ZEB1: variants seen among roughly 807,000 people sequenced by gnomAD.
ZEB1 encodes the protein zinc finger E-box-binding homeobox 1.
Under a neutral mutation model 84.9 loss-of-function variants are expected in ZEB1, and 21 were observed. The ratio of observed to expected loss-of-function variants is 0.25; its 90% CI spans 0.18 to 0.36. The LOEUF (loss-of-function observed/expected upper bound fraction) is 0.36. Among genes scored for constraint, ZEB1 ranks in the 10% least tolerant of loss-of-function variants. The pLI is 1.00. For synonymous variants in ZEB1, 420 were observed against 471.1 expected (o/e 0.89, Z 1.41); for missense variants, 1,104 against 1,330.2 (o/e 0.83, Z 2.65).
intron 2 of ZEB1, among the ~76,000 whole-genome samples, chr10:31,487,957 G>GA (rs2065955950): frequency 6.6e-6 from 1 of 151,166 alleles, no homozygotes. Context: ...TTTATTCTCT[G>GA]AAAAGCCTCA....
At chr10:31,489,316 C>T (rs1334294949) in intron 2 of ZEB1, among the ~76,000 whole-genome samples, 1 of 151,218 alleles carries the variant, frequency 6.6e-6, no homozygotes, top group Non-Finnish European at 1.5e-5. Flanking sequence ...TATAATTTTT[C>T]ATGATAGAAT....
intron 1 of ZEB1, among the ~76,000 whole-genome samples, chr10:31,357,541 A>T (rs1273470385): frequency 1.3e-5 from 2 of 152,200 alleles, no homozygotes; most frequent in African/African-American, 4.8e-5. Flanking sequence ...GTACACTAAG[A>T]TTGAATAACT....
chr10:31,441,473 A>T (rs999528374), intron 1 of ZEB1, among the ~76,000 whole-genome samples: 1 of 152,184 alleles, frequency 6.6e-6, no homozygotes, highest in South Asian at 2.1e-4. Flanking sequence ...AACCTAGGCA[A>T]TACCATTCAG....
chr10:31,377,884 T>C (rs931031731), intron 1 of ZEB1, among the ~76,000 whole-genome samples: 1 of 151,754 alleles, frequency 6.6e-6, no homozygotes, highest in African/African-American at 2.4e-5. Context: ...CAAACTCTGC[T>C]GTTGGCAACA....
intron 2 of ZEB1, among the ~76,000 whole-genome samples, chr10:31,466,065 AT>A (rs1564979276): frequency 6.6e-6 from 1 of 152,218 alleles, no homozygotes; most frequent in African/African-American, 2.4e-5. Context: ...AAAGAGGTCA[AT>A]TTATCAAGAT....
At chr10:31,319,838 G>C (rs1439827936) in intron 1 of ZEB1, 1 of 148,326 alleles carries the variant, frequency 6.7e-6, no homozygotes, top group Non-Finnish European at 1.5e-5. Flanking sequence ...GGCCGGCGCC[G>C]TCGCTGTCGC....
intron 1 of ZEB1, chr10:31,319,553 C>T: frequency 1.9e-6 from 1 of 515,526 alleles, no homozygotes; most frequent in South Asian, 2.4e-5. Flanking sequence ...CCGCCCCTGC[C>T]GCCTCCCTGG....
chr10:31,423,114 A>C (rs2056438388), intron 1 of ZEB1, among the ~76,000 whole-genome samples: 1 of 152,022 alleles, frequency 6.6e-6, no homozygotes, highest in South Asian at 2.1e-4. Context: ...TCTTCCAATA[A>C]AATATTGATG....
At chr10:31,374,988 G>A (rs1482274245) in intron 1 of ZEB1, 4 of 146,530 alleles carry the variant, frequency 2.7e-5, no homozygotes, top group African/African-American at 7.4e-5. Flanking sequence ...CCTTAATCAA[G>A]TCAACTTTAT....
At chr10:31,438,878 ATACATACG>A (rs2058575601) in intron 1 of ZEB1, among the ~76,000 whole-genome samples, 1 of 152,178 alleles carries the variant, frequency 6.6e-6, no homozygotes, top group Non-Finnish European at 1.5e-5. Flanking sequence ...ATATACACAT[ATACATACG>A]TACATACATG....
At position 31,524,129 on chromosome 10, in the gene ZEB1, CAAACAT is replaced by C. The variant is rs1299334288; in HGVS notation, c.2785+20_2785+25del. The C allele has an allele frequency of 1.9e-6, 3 of 1,609,516 alleles. No homozygotes were observed. Among genetic ancestry groups the C allele is most frequent in the Non-Finnish European group, 2.5e-6 (3 of 1,177,484 alleles). ...GAACACACAGGTATGTCAGTGAACA[CAAACAT>C]AAAGTGTCCATGATATGATATACTG... On this transcript the variant is annotated intron_variant, in intron 8 of 8. Coordinates refer to ENST00000424869, the MANE Select transcript of ZEB1 (RefSeq NM_001174096.2).
At chr10:31,347,405 C>T (rs2040497879) in intron 1 of ZEB1, among the ~76,000 whole-genome samples, 1 of 152,124 alleles carries the variant, frequency 6.6e-6, no homozygotes, top group Non-Finnish European at 1.5e-5. Context: ...GAGATGAGGT[C>T]TAGCTATTTT....
chr10:31,472,601 G>A (rs908795027), intron 2 of ZEB1, among the ~76,000 whole-genome samples: 1 of 123,082 alleles, frequency 8.1e-6, no homozygotes, highest in Non-Finnish European at 1.6e-5. Flanking sequence ...AGGACCAGAT[G>A]GATTCACAGC....
At chr10:31,459,776 C>T (rs1193979484) in intron 1 of ZEB1, among the ~76,000 whole-genome samples, 5 of 149,458 alleles carry the variant, frequency 3.3e-5, no homozygotes, top group Non-Finnish European at 1.5e-5. Context: ...TTTGTTTTCA[C>T]CTTTAAATAT....
intron 1 of ZEB1, among the ~76,000 whole-genome samples, chr10:31,407,861 C>T (rs904185203): frequency 2.7e-5 from 4 of 149,586 alleles, no homozygotes; most frequent in Non-Finnish European, 4.4e-5. Flanking sequence ...TCTCACCACT[C>T]CTATTCAACA....
At chr10:31,320,933 A>G (rs577089560) in intron 1 of ZEB1, among the ~76,000 whole-genome samples, 19 of 152,288 alleles carry the variant, frequency 1.2e-4, no homozygotes, top group Admixed American at 1.0e-3. Flanking sequence ...GCCGCAGCCC[A>G]GGCTATATAA....
chr10:31,443,743 C>T (rs2059362301), intron 1 of ZEB1, among the ~76,000 whole-genome samples: 1 of 149,872 alleles, frequency 6.7e-6, no homozygotes, highest in African/African-American at 2.5e-5. Flanking sequence ...GACATGAACT[C>T]ATCATTTTTT....
At chr10:31,356,546 C>T (rs1254330874) in intron 1 of ZEB1, among the ~76,000 whole-genome samples, 1 of 152,058 alleles carries the variant, frequency 6.6e-6, no homozygotes, top group African/African-American at 2.4e-5. Context: ...GAATTTATTG[C>T]TGGATCATTG....
chr10:31,430,108 T>C (rs192403197), intron 1 of ZEB1, among the ~76,000 whole-genome samples: 1 of 152,344 alleles, frequency 6.6e-6, no homozygotes, highest in African/African-American at 2.4e-5. Context: ...TTATGTTCTT[T>C]GTATATAATT....
Sources: gnomAD v4.1 joint callset for allele counts (sites outside exome capture counted in the v4.1 genomes callset) on GRCh38, gnomAD v4.1.1 for gene constraint, MANE v1.5 for transcripts, NCBI Gene and HGNC (gene_info 2026-07-23, HGNC 2026-07-21) for gene names.